The following HDLBP variants were observed in gnomAD, a reference collection of about 807,000 sequenced individuals.
HDLBP encodes vigilin.
In HDLBP, 30 loss-of-function variants were observed where a neutral mutation model predicts 137.3. The ratio of observed to expected loss-of-function variants is 0.22; its 90% CI spans 0.16 to 0.30. The LOEUF is 0.30. HDLBP is among the 10% of genes least tolerant of loss of function. HDLBP has a pLI of 1.00. For synonymous variants in HDLBP, 606 were observed against 596.0 expected (o/e 1.02, Z -0.24); for missense variants, 1,119 against 1,667.3 (o/e 0.67, Z 5.73).
chr2:241,291,814 T>C (rs373654238), intron 1 of HDLBP, among the ~76,000 whole-genome samples: 15 of 152,252 alleles, frequency 9.9e-5, no homozygotes, highest in African/African-American at 3.4e-4. Context: ...CAATCACAAG[T>C]GTCCTTTAGA....
intron 1 of HDLBP, among the ~76,000 whole-genome samples, chr2:241,283,830 G>A (rs547606613): frequency 2.0e-5 from 3 of 152,236 alleles, no homozygotes; most frequent in East Asian, 1.9e-4. Context: ...TGACTCTCTT[G>A]TTAGGGGCTA....
At chr2:241,232,923 C>G (rs1025471712) in intron 24 of HDLBP, among the ~76,000 whole-genome samples, 3 of 151,882 alleles carry the variant, frequency 2.0e-5, no homozygotes, top group African/African-American at 4.8e-5. Context: ...GAGGGCCCTC[C>G]TGGCCTGGCT....
intron 2 of HDLBP, chr2:241,267,557 G>A (rs1559526139): frequency 7.2e-6 from 11 of 1,533,630 alleles, no homozygotes. Context: ...TGGTTATTCT[G>A]TCAATTTGCT....
intron 1 of HDLBP, chr2:241,273,723 T>C (rs1456973806): frequency 2.1e-6 from 2 of 938,266 alleles, no homozygotes; most frequent in South Asian, 4.9e-5. Flanking sequence ...GGGGAAGAGG[T>C]AGGGGCACAC....
chr2:241,233,636 C>T lies in HDLBP; in HGVS notation c.3288+184G>A, dbSNP rs1486482714. On this transcript the variant is annotated intron_variant, in intron 24 of 27. Transcript: ENST00000310931. This position sits in a 1 kb window ranked among gnomAD's most constrained non-coding sequence, Gnocchi z 4.3. ...CCAGATGATACATAGTGCCAGAGAC[C>T]TCACCCATCTGGCAAGTACCGAGAC... 6.6e-6 allele frequency among the ~76,000 whole-genome samples: 1 copy of T among 152,114 alleles called. No homozygotes were observed. Among genetic ancestry groups the T allele is most frequent in the Non-Finnish European group, 1.5e-5 (1 of 68,012 alleles).
intron 1 of HDLBP, chr2:241,273,675 T>A (rs1227416463): frequency 5.1e-6 from 5 of 984,954 alleles, no homozygotes; most frequent in Non-Finnish European, 6.0e-6. Flanking sequence ...GGGCACAGGA[T>A]CAACTACAGG....
chr2:241,310,822 A>G (rs952770509), intron 1 of HDLBP, among the ~76,000 whole-genome samples: 1 of 152,246 alleles, frequency 6.6e-6, no homozygotes, highest in Admixed American at 6.5e-5. Flanking sequence ...TGAATTTCAC[A>G]GAAAGAAAAG....
At position 241,239,963 on chromosome 2, in the gene HDLBP, T is replaced by A. The variant is rs375902370; in HGVS notation, c.2329A>T (p.Ile777Phe). The A allele has an allele frequency of 1.2e-6, 2 of 1,614,092 alleles. No individual in the cohort carries two copies. The highest frequency in any genetic ancestry group is 1.7e-6 in the Non-Finnish European group (2 of 1,180,044). Residue 777 changes from isoleucine (I) to phenylalanine (F), a missense_variant, in exon 18 of 28, where the codon ATT becomes TTT. By Grantham distance (21) the Ile-to-Phe change is conservative. Coordinates refer to ENST00000310931, the MANE Select transcript of HDLBP (RefSeq NM_005336.6). The surrounding 1 kb of genome is among the most constrained non-coding windows in gnomAD (Gnocchi z 4.6). ...EDKDQDLITI[I>F]GKEDAVREAQ... is the part of the protein sequence containing the mutation. ...TCTCGGACGGCGTCCTCCTTTCCAA[T>A]GATGGTGATCAGGTCCTGGTCCTTG...
chr2:241,229,967 G>GGAAGCTTCCT lies in HDLBP; in HGVS notation c.3592-7_3592-6insAGGAAGCTTC. On this transcript the variant is annotated splice_polypyrimidine_tract_variant and splice_region_variant and intron_variant, in intron 26 of 27. Coordinates refer to ENST00000310931, the MANE Select transcript of HDLBP (RefSeq NM_005336.6). The stretch of plus-strand genomic sequence containing the variant: ...CTGTCCACCACGTCAGCTAGCTGCA[G>GGAAGCTTCCT]GCAGAAGACAGGAAGACAGGGTCAG... The GGAAGCTTCCT allele has an allele frequency of 6.3e-7, 1 of 1,592,762 alleles. No individual in the cohort carries two copies. Among genetic ancestry groups the GGAAGCTTCCT allele is most frequent in the Non-Finnish European group, 8.6e-7 (1 of 1,168,396 alleles).
intron 20 of HDLBP, among the ~76,000 whole-genome samples, 171 bp from the exon 21 acceptor site, chr2:241,236,940 C>T (rs535774622): frequency 1.9e-4 from 27 of 142,218 alleles, no homozygotes; most frequent in Admixed American, 1.2e-3. Flanking sequence ...GCAGATAGGA[C>T]GTCCCCACAG....
chr2:241,249,841 C>A lies in HDLBP; in HGVS notation c.1512G>T (p.Met504Ile). The change falls in exon 12 of 28, where the codon ATG (methionine) becomes ATT (isoleucine). Residue 504 changes from methionine to isoleucine, a missense_variant and splice_region_variant. Met to Ile is a conservative substitution (Grantham distance 10, BLOSUM62 1). Coordinates refer to ENST00000310931, the MANE Select transcript of HDLBP (RefSeq NM_005336.6). ...TAGAGGGCCCAGCCATGGCACTTAC[C>A]ATGCGAGATGCAAGCTCCAGCAGCT... ...KRELLELASRMENERTKDLII... is the reference protein window; with the variant it reads ...KRELLELASRIENERTKDLII... The A allele has an allele frequency of 1.2e-6, 2 of 1,602,178 alleles. No homozygotes were observed. Among genetic ancestry groups the A allele is most frequent in the South Asian group, 1.1e-5 (1 of 89,110 alleles).
intron 5 of HDLBP, among the ~76,000 whole-genome samples, chr2:241,259,675 A>C (rs1173002368): frequency 6.6e-6 from 1 of 152,162 alleles, no homozygotes; most frequent in Non-Finnish European, 1.5e-5. Flanking sequence ...GGGTCTGACC[A>C]TGTTGCCCAG....
intron 1 of HDLBP, chr2:241,273,147 C>G (rs2074240025): frequency 1.0e-6 from 1 of 985,340 alleles, no homozygotes; most frequent in Non-Finnish European, 1.2e-6. Flanking sequence ...CCAGTACCGC[C>G]CACCTCCCCA....
chr2:241,274,810 G>T (rs1261759224), intron 1 of HDLBP, among the ~76,000 whole-genome samples: 2 of 152,124 alleles, frequency 1.3e-5, no homozygotes, highest in African/African-American at 4.8e-5. Context: ...AAATTCCATG[G>T]CTAGCAATAT....
rs1018462596 is a variant in HDLBP, at chr2:241,240,184, A to G, written c.2170-62T>C. On this transcript the variant is annotated intron_variant, in intron 17 of 27. Transcript: ENST00000310931. The surrounding 1 kb of genome is among the most constrained non-coding windows in gnomAD (Gnocchi z 5.5). ...ACGTGCCTGGACCACAGTGAGGAAGACAAGAGGGTCTGTAGGACAGCAAGC... is the reference window on the plus strand; with the variant it reads ...ACGTGCCTGGACCACAGTGAGGAAGGCAAGAGGGTCTGTAGGACAGCAAGC... 9 of 1,520,844 alleles carry G rather than the reference A, an allele frequency of 5.9e-6. No individual in the cohort carries two copies. In the Admixed American group the frequency reaches 1.5e-4, roughly 25 times the overall value. 94.2% of individuals were successfully genotyped at this position (1,520,844 alleles called of 1,614,324 possible).
At chr2:241,283,016 T>A (rs771898721) in intron 1 of HDLBP, among the ~76,000 whole-genome samples, 7 of 152,116 alleles carry the variant, frequency 4.6e-5, no homozygotes, top group African/African-American at 1.7e-4. Context: ...TTGCACCAAA[T>A]AGCCAAGCTG....
Position 241,236,713 on chromosome 2 carries a change from C to T in HDLBP, c.2806G>A (p.Glu936Lys), listed in dbSNP as rs2070516910. 2 of 1,614,132 alleles carry T rather than the reference C, an allele frequency of 1.2e-6. No individual in the cohort carries two copies. Among genetic ancestry groups the T allele is most frequent in the Non-Finnish European group, 1.7e-6 (2 of 1,179,990 alleles). The change falls in exon 21 of 28, where the codon GAG becomes AAG. Residue 936 changes from glutamate to lysine, a missense_variant. This residue lies in a region of HDLBP where 618 missense variants were observed against 816.7 expected (regional missense o/e 0.76). Coordinates refer to ENST00000310931, the MANE Select transcript of HDLBP (RefSeq NM_005336.6). ...GAGCCGGGGTCACAATCTTTAGCCT[C>T]TCTCCCCTCCCCAGCTTCGTCCCCA... ...ENGDEAGEGR[E>K]AKDCDPGSPR...
At chr2:241,257,656 CAGAA>C (rs2072767435) in intron 5 of HDLBP, among the ~76,000 whole-genome samples, 1 of 152,142 alleles carries the variant, frequency 6.6e-6, no homozygotes, top group African/African-American at 2.4e-5. Context: ...AAATAGCTAA[CAGAA>C]GGTTTAAGTA....
chr2:241,252,357 T>C (rs1336392558), intron 11 of HDLBP, among the ~76,000 whole-genome samples: 1 of 151,994 alleles, frequency 6.6e-6, no homozygotes, highest in Non-Finnish European at 1.5e-5. Flanking sequence ...CAAAAATTAA[T>C]TGGCTGTGGT....
Sources: gnomAD v4.1 joint callset for allele counts (sites outside exome capture counted in the v4.1 genomes callset) on GRCh38, gnomAD v4.1.1 for gene constraint, gnomAD v4.1.1 regional missense constraint, Gnocchi (gnomAD v3.1) non-coding constraint, MANE v1.5 for transcripts, NCBI Gene and HGNC (gene_info 2026-07-23, HGNC 2026-07-21) for gene names.